ARHGAP26: variants seen among roughly 807,000 people sequenced by gnomAD.
ARHGAP26 encodes rho GTPase-activating protein 26.
Under a neutral mutation model 104.8 loss-of-function variants are expected in ARHGAP26, and 38 were observed. The observed-to-expected ratio is 0.36, with a 90% CI of 0.28 to 0.48. The LOEUF (loss-of-function observed/expected upper bound fraction) is 0.48, where lower values mean the gene tolerates loss of function less well. Among genes scored for constraint, ARHGAP26 ranks in the 20% least tolerant of loss-of-function variants. The pLI, the probability that ARHGAP26 is intolerant of heterozygous loss-of-function variation, is 0.99. For missense variants in ARHGAP26, 704 were observed against 947.9 expected, an observed-to-expected ratio of 0.74 and a Z score of 3.38; for synonymous variants, 341 against 340.0, an observed-to-expected ratio of 1.00 and a Z score of -0.03.
rs1156702284 is a variant in ARHGAP26 at position 142,871,121 on chromosome 5, G to T, written c.155-2279G>T. ...AGTCATTACCTAATCGTCTATCGGG[G>T]GATCGGCCTGTCCTTCAGCTTCATG... On this transcript the variant is annotated intron_variant, in intron 1 of 22. Coordinates refer to ENST00000645722, the MANE Select transcript of ARHGAP26 (RefSeq NM_001135608.3). The surrounding 1 kb of genome is among the most constrained non-coding windows in gnomAD (Gnocchi z 4.1). Among the ~76,000 whole-genome samples, 2 of 152,178 alleles carry T rather than the reference G, an allele frequency of 1.3e-5. No individual in the cohort carries two copies. Among genetic ancestry groups the T allele is most frequent in the Non-Finnish European group, 1.5e-5 (1 of 68,036 alleles).
intron 17 of ARHGAP26, among the ~76,000 whole-genome samples, chr5:143,101,280 A>G (rs1793193098): frequency 6.6e-6 from 1 of 152,020 alleles, no homozygotes; most frequent in Admixed American, 6.5e-5. Flanking sequence ...ACAGAAAATT[A>G]CTCTGGTTCG....
At chr5:142,869,899 C>T (rs549237457) in intron 1 of ARHGAP26, among the ~76,000 whole-genome samples, 2 of 152,288 alleles carry the variant, frequency 1.3e-5, no homozygotes, top group East Asian at 1.9e-4. Context: ...AGCAGTCTCT[C>T]AAGGCCCAAA....
intron 15 of ARHGAP26, 72 bp from the exon 16 acceptor site, chr5:143,055,956 C>T: frequency 1.4e-5 from 15 of 1,080,608 alleles, no homozygotes; most frequent in Non-Finnish European, 1.8e-5. Context: ...TTGTCAGTCT[C>T]TAGGCTGCTA....
At position 143,019,942 on chromosome 5, in the gene ARHGAP26, G is replaced by A. The variant is rs980067989; in HGVS notation, c.1144+5826G>A. 2.0e-5 allele frequency among the ~76,000 whole-genome samples: 3 copies of A among 152,306 alleles called. No individual in the cohort carries two copies. The East Asian group carries it at 5.8e-4, about 29-fold the overall frequency. ...TTCCATAGGTTAATCGGGTTATGTT[G>A]AAAGGAATATGCTGAAGTTGCTGCA... is the stretch of plus-strand genomic sequence containing the variant. On this transcript the variant is annotated intron_variant, in intron 12 of 22. Transcript: ENST00000645722.
Position 142,951,335 on chromosome 5 carries a change from C to T in ARHGAP26, c.1107+19210C>T, listed in dbSNP as rs530579224. Among the ~76,000 whole-genome samples, 17 of 152,326 alleles carry T rather than the reference C, an allele frequency of 1.1e-4. No individual in the cohort carries two copies. In the South Asian group the frequency reaches 2.5e-3, roughly 22 times the overall value. On this transcript the variant is annotated intron_variant, in intron 11 of 22. Coordinates refer to ENST00000645722, the MANE Select transcript of ARHGAP26 (RefSeq NM_001135608.3). ...TCGACCTCCCAAAGTGCTGGGATTA[C>T]AGGCATGAGCCACCATACCTGGCCA...
At chr5:143,115,374 C>G (rs901905303) in intron 17 of ARHGAP26, among the ~76,000 whole-genome samples, 1 of 151,484 alleles carries the variant, frequency 6.6e-6, no homozygotes, top group African/African-American at 2.4e-5. Flanking sequence ...AAAGAAAAGA[C>G]GTACTATTAT....
chr5:143,087,770 C>T (rs1790819428), intron 17 of ARHGAP26, among the ~76,000 whole-genome samples: 1 of 151,224 alleles, frequency 6.6e-6, no homozygotes, highest in African/African-American at 2.4e-5. Context: ...CTGCCTCAGC[C>T]TCCCGAGTAG....
intron 20 of ARHGAP26, among the ~76,000 whole-genome samples, chr5:143,196,909 A>G (rs1332920004): frequency 6.6e-6 from 1 of 152,198 alleles, no homozygotes; most frequent in Non-Finnish European, 1.5e-5. Context: ...GAGGTTACAG[A>G]TACATTTTAG....
At chr5:142,798,339 T>C (rs1339408431) in intron 1 of ARHGAP26, among the ~76,000 whole-genome samples, 1 of 152,230 alleles carries the variant, frequency 6.6e-6, no homozygotes, top group Non-Finnish European at 1.5e-5. Flanking sequence ...TGCCCTCTGA[T>C]GCAGCATTCC....
intron 17 of ARHGAP26, among the ~76,000 whole-genome samples, chr5:143,088,088 G>A (rs751564285): frequency 6.6e-6 from 1 of 152,208 alleles, no homozygotes; most frequent in East Asian, 1.9e-4. Flanking sequence ...TAAAGCTGGT[G>A]CTACTGTTCC....
At chr5:142,906,244 A>G (rs535813447) in intron 8 of ARHGAP26, among the ~76,000 whole-genome samples, 4 of 152,270 alleles carry the variant, frequency 2.6e-5, no homozygotes, top group African/African-American at 9.6e-5. Context: ...TGGTTTCTCC[A>G]CTATACAGTC....
At chr5:143,140,917 T>C (rs989872287) in intron 19 of ARHGAP26, among the ~76,000 whole-genome samples, 1 of 152,246 alleles carries the variant, frequency 6.6e-6, no homozygotes, top group Admixed American at 6.5e-5. Flanking sequence ...ATTTCTCATG[T>C]GTGTCTTCCT....
At position 142,778,135 on chromosome 5, in the gene ARHGAP26, T is replaced by G. The variant is rs141152725; in HGVS notation, c.154+7220T>G. Among the ~76,000 whole-genome samples, 37 of 152,328 alleles carry G rather than the reference T, an allele frequency of 2.4e-4. No individual in the cohort carries two copies. The East Asian group carries it at 3.9e-3, about 16-fold the overall frequency. ...AGGATTTGCTGCACAGCATATGGGC[T>G]ATGAGAGAAAAGAAAGAAGTCTAGA... On this transcript the variant is annotated intron_variant, in intron 1 of 22. Coordinates refer to ENST00000645722, the MANE Select transcript of ARHGAP26 (RefSeq NM_001135608.3).
intron 1 of ARHGAP26, among the ~76,000 whole-genome samples, chr5:142,801,612 G>GTT (rs76073855): frequency 5.0e-5 from 7 of 141,262 alleles, no homozygotes; most frequent in Non-Finnish European, 4.7e-5. Flanking sequence ...TTAGTAGAGG[G>GTT]TTTTTTTTTT....
chr5:143,091,676 C>T (rs1791452420), intron 17 of ARHGAP26, among the ~76,000 whole-genome samples: 1 of 152,174 alleles, frequency 6.6e-6, no homozygotes, highest in Admixed American at 6.5e-5. Context: ...CCAATTTTAA[C>T]ATCTGACCAT....
chr5:142,887,520 A>G (rs1757892418), intron 5 of ARHGAP26, among the ~76,000 whole-genome samples: 1 of 152,188 alleles, frequency 6.6e-6, no homozygotes, highest in African/African-American at 2.4e-5. Flanking sequence ...ATTGGATGCC[A>G]CTATTCCTGA....
intron 11 of ARHGAP26, among the ~76,000 whole-genome samples, chr5:142,966,528 A>G (rs1771363934): frequency 6.6e-6 from 1 of 152,216 alleles, no homozygotes; most frequent in Admixed American, 6.5e-5. Flanking sequence ...TATGAATAAT[A>G]AAGTGTTGAT....
At chr5:143,109,894 A>G (rs556585441) in intron 17 of ARHGAP26, among the ~76,000 whole-genome samples, 8 of 152,310 alleles carry the variant, frequency 5.3e-5, no homozygotes, top group Admixed American at 2.0e-4. Context: ...GTCAAGAACA[A>G]AGCTTTTACA....
intron 20 of ARHGAP26, among the ~76,000 whole-genome samples, chr5:143,183,712 C>G (rs1236682561): frequency 6.6e-6 from 1 of 152,170 alleles, no homozygotes; most frequent in Non-Finnish European, 1.5e-5. Context: ...TGGGCGAAGG[C>G]GTACCAGGGG....
Sources: allele counts gnomAD v4.1 joint callset (sites outside exome capture counted in the v4.1 genomes callset), GRCh38; gene constraint gnomAD v4.1.1; non-coding constraint Gnocchi (gnomAD v3.1); transcripts MANE v1.5; gene names NCBI Gene and HGNC (gene_info 2026-07-23, HGNC 2026-07-21).